Variants in GALNT5 observed in about 807,000 individuals in gnomAD.
GALNT5 encodes the protein UDP-GalNAc:polypeptide N-acetylgalactosaminyltransferase 5.
In GALNT5, 72 loss-of-function variants were observed where a neutral mutation model predicts 85.4. The observed-to-expected ratio is 0.84, with a 90% CI of 0.70 to 1.03. GALNT5 has a LOEUF of 1.03. GALNT5 is among the 50% of genes least tolerant of loss of function. The probability of loss-of-function intolerance (pLI) is 0.00; values close to 1 mark genes in which losing one functional copy is unlikely to be tolerated. For missense variants in GALNT5, 1,137 were observed against 1,135.5 expected, an observed-to-expected ratio of 1.00 and a Z score of -0.02; for synonymous variants, 404 against 397.0, an observed-to-expected ratio of 1.02 and a Z score of -0.21.
rs1174541722 is a variant in GALNT5, at chr2:157,305,755, A to C, written c.2446A>C (p.Asn816His). 6.3e-7 allele frequency: 1 copy of C among 1,591,256 alleles called. No individual in the cohort carries two copies. Among genetic ancestry groups the C allele is most frequent in the African/African-American group, 1.3e-5 (1 of 74,412 alleles). Residue 816 changes from asparagine (N) to histidine (H), a missense_variant, in exon 8 of 10, where the codon AAT (asparagine) becomes CAT (histidine). Transcript: ENST00000259056. Reference sequence around the variant, plus strand: ...TTCGTATTTTGCTTTTTAGCTTATTAATGTGGCTTTGGGTAAATGCATTTC... The same window carrying C: ...TTCGTATTTTGCTTTTTAGCTTATTCATGTGGCTTTGGGTAAATGCATTTC... ...PIVRASGVLI[N>H]VALGKCISIE...
intron 1 of GALNT5, among the ~76,000 whole-genome samples, chr2:157,263,490 A>G (rs1390015639): frequency 6.6e-6 from 1 of 152,184 alleles, no homozygotes; most frequent in African/African-American, 2.4e-5. Context: ...TAGTGTACAC[A>G]GGCATCCTAG....
intron 1 of GALNT5, among the ~76,000 whole-genome samples, chr2:157,275,280 T>C (rs1227477314): frequency 6.6e-6 from 1 of 152,212 alleles, no homozygotes; most frequent in Non-Finnish European, 1.5e-5. Flanking sequence ...CCAGCTTTGT[T>C]CTTTTCGCTT....
rs1683734458 is a variant in GALNT5, at chr2:157,317,234, A to G, written c.*5886A>G. ...TGATGCTTTGATCTGGAAGAAAGAA[A>G]TATCAAGAGTTTCTATTCACAACAT... On this transcript the variant is annotated 3_prime_UTR_variant, in exon 10 of 10. Coordinates refer to ENST00000259056, the MANE Select transcript of GALNT5 (RefSeq NM_014568.3). Among the ~76,000 whole-genome samples the G allele has an allele frequency of 6.7e-6, 1 of 149,404 alleles. No homozygotes were observed. Among genetic ancestry groups the G allele is most frequent in the African/African-American group, 2.4e-5 (1 of 40,978 alleles).
chr2:157,258,111 G>C lies in GALNT5; in HGVS notation c.29G>C (p.Gly10Ala). ...AACAGGATCCGAAAGTTTTTCCGAG[G>C]AAGTGGGCGAGTCTTGGCATTTATC... Reference protein sequence around the residue: MNRIRKFFRGSGRVLAFIFV... With the variant: MNRIRKFFRASGRVLAFIFV... Residue 10 changes from glycine (G) to alanine (A), a missense_variant, in exon 1 of 10, where the codon GGA becomes GCA. By Grantham distance (60) the Gly-to-Ala change is moderately conservative. Coordinates refer to ENST00000259056, the MANE Select transcript of GALNT5 (RefSeq NM_014568.3). 6.2e-7 allele frequency: 1 copy of C among 1,614,022 alleles called. No individual in the cohort carries two copies. Among genetic ancestry groups the C allele is most frequent in the Middle Eastern group, 1.7e-4 (1 of 6,050 alleles).
intron 3 of GALNT5, among the ~76,000 whole-genome samples, chr2:157,290,793 C>T (rs1683082962): frequency 6.6e-6 from 1 of 151,896 alleles, no homozygotes; most frequent in Non-Finnish European, 1.5e-5. Flanking sequence ...TATTTTGGTC[C>T]CAGGGTATTA....
At chr2:157,283,471 G>C (rs1317984168) in intron 1 of GALNT5, among the ~76,000 whole-genome samples, 1 of 152,202 alleles carries the variant, frequency 6.6e-6, no homozygotes, top group African/African-American at 2.4e-5. Flanking sequence ...TCCCACTGTA[G>C]CCTGGATTGC....
chr2:157,287,897 A>G (rs967859406), intron 3 of GALNT5, among the ~76,000 whole-genome samples: 1 of 152,208 alleles, frequency 6.6e-6, no homozygotes, highest in African/African-American at 2.4e-5. Flanking sequence ...AATCCTCACA[A>G]TAACTCTATG....
chr2:157,272,530 C>T (rs1030182104), intron 1 of GALNT5, among the ~76,000 whole-genome samples: 1 of 152,178 alleles, frequency 6.6e-6, no homozygotes, highest in South Asian at 2.1e-4. Flanking sequence ...ACCCCTCCTT[C>T]CTTACCCTCT....
rs1682223222 is a variant in GALNT5 at position 157,257,965 on chromosome 2, A to C, written c.-118A>C. ...TGCTGCTTCCTGCTGTGTTCAGGGG[A>C]GGGGGTCACTTTCTGGCAACTCTGC... On this transcript the variant is annotated 5_prime_UTR_variant, in exon 1 of 10. Coordinates refer to ENST00000259056, the MANE Select transcript of GALNT5 (RefSeq NM_014568.3). The C allele has an allele frequency of 1.0e-6, 1 of 994,830 alleles. No homozygotes were observed. Among genetic ancestry groups the C allele is most frequent in the Admixed American group, 1.8e-5 (1 of 56,710 alleles). The allele number at this position is 994,830 out of a possible 1,614,324, so 61.6% of individuals were successfully genotyped here.
In GALNT5 at chr2:157,258,684, A is replaced by G. The variant is rs984564315; in HGVS notation, c.602A>G (p.His201Arg). 1 of 1,613,986 alleles carries G rather than the reference A, an allele frequency of 6.2e-7. No individual in the cohort carries two copies. Among genetic ancestry groups the G allele is most frequent in the Non-Finnish European group, 8.5e-7 (1 of 1,180,000 alleles). The change falls in exon 1 of 10, where the codon CAT becomes CGT. Residue 201 changes from histidine to arginine, a missense_variant. By Grantham distance (29) the His-to-Arg change is conservative (BLOSUM62 0). Coordinates refer to ENST00000259056, the MANE Select transcript of GALNT5 (RefSeq NM_014568.3). ...VSLKQEPRKS[H>R]SPSSDTSKLA... is the part of the protein sequence containing the mutation. Reference sequence around the variant, plus strand: ...TTAAAACAGGAGCCCCGGAAGAGTCATAGTCCCAGCAGTGACACATCAAAA... The same window carrying G: ...TTAAAACAGGAGCCCCGGAAGAGTCGTAGTCCCAGCAGTGACACATCAAAA...
In GALNT5 at chr2:157,284,344, A is replaced by G; in HGVS notation, c.1517A>G (p.Asp506Gly). ...ACCAGTGTCATCATGTGCTTTGTGG[A>G]TGAAGTGTGGTCCACTCTCCTGAGA... ...PTTSVIMCFV[D>G]EVWSTLLRSV... Residue 506 changes from aspartate to glycine, a missense_variant, in exon 2 of 10, where the codon GAT becomes GGT. By Grantham distance (94) the Asp-to-Gly change is moderately conservative. Coordinates refer to ENST00000259056, the MANE Select transcript of GALNT5 (RefSeq NM_014568.3). The G allele has an allele frequency of 6.2e-7, 1 of 1,613,934 alleles. No homozygotes were observed. The highest frequency in any genetic ancestry group is 2.2e-5 in the East Asian group (1 of 44,872).
chr2:157,276,992 A>T (rs1194460730), intron 1 of GALNT5, among the ~76,000 whole-genome samples: 1 of 151,600 alleles, frequency 6.6e-6, no homozygotes, highest in Non-Finnish European at 1.5e-5. Flanking sequence ...CACTGCTTTA[A>T]ATGTGTCCCA....
rs1250043346 is a variant in GALNT5 at position 157,259,264 on chromosome 2, C to A, written c.1182C>A (p.Ile394=). 1 of 1,611,230 alleles carries A rather than the reference C, an allele frequency of 6.2e-7. No homozygotes were observed. The highest frequency in any genetic ancestry group is 2.2e-5 in the East Asian group (1 of 44,842). Residue 394 remains isoleucine (I), a synonymous_variant, in exon 1 of 10, where the codon ATC becomes ATA. Transcript: ENST00000259056. ...CTGGAGGGCTAGAGCCAGCAAAAAT[C>A]AACATAACTGCCAAAGCCCCCTCTA... is the stretch of plus-strand genomic sequence containing the variant. ...ALTGGLEPAK[I]NITAKAPSTE...
intron 1 of GALNT5, among the ~76,000 whole-genome samples, chr2:157,269,257 G>A (rs1216383325): frequency 2.0e-5 from 3 of 152,110 alleles, no homozygotes; most frequent in African/African-American, 2.4e-5. Context: ...CTAGATACCC[G>A]GAAACATGTT....
At chr2:157,271,684 G>A (rs1439272695) in intron 1 of GALNT5, among the ~76,000 whole-genome samples, 1 of 152,178 alleles carries the variant, frequency 6.6e-6, no homozygotes, top group Non-Finnish European at 1.5e-5. Context: ...GGGAAATGCA[G>A]AGGAGCTGGT....
intron 3 of GALNT5, among the ~76,000 whole-genome samples, 189 bp from the exon 4 acceptor site, chr2:157,295,474 C>T (rs912959865): frequency 4.0e-5 from 6 of 151,594 alleles, no homozygotes; most frequent in East Asian, 1.9e-4. Flanking sequence ...CCACAGGACT[C>T]CTAGGAGCAA....
At chr2:157,305,915 C>A in intron 8 of GALNT5, 86 bp downstream of exon 8, 2 of 749,948 alleles carry the variant, frequency 2.7e-6, no homozygotes, top group South Asian at 1.7e-5. Flanking sequence ...TTCATCTTTG[C>A]CCAACAGAAA....
intron 1 of GALNT5, among the ~76,000 whole-genome samples, chr2:157,275,942 T>C (rs1014850455): frequency 6.6e-5 from 10 of 152,200 alleles, no homozygotes; most frequent in African/African-American, 2.2e-4. Context: ...TTCAGTATGA[T>C]ATTAAGCTGT....
At chr2:157,276,097 G>A (rs1416855412) in intron 1 of GALNT5, among the ~76,000 whole-genome samples, 1 of 152,108 alleles carries the variant, frequency 6.6e-6, no homozygotes, top group Non-Finnish European at 1.5e-5. Flanking sequence ...TTTTGTCATT[G>A]GTTCTGTTTA....
Sources: allele counts gnomAD v4.1 joint callset (sites outside exome capture counted in the v4.1 genomes callset), GRCh38; gene constraint gnomAD v4.1.1; transcripts MANE v1.5; gene names NCBI Gene and HGNC (gene_info 2026-07-23, HGNC 2026-07-21).